Variants in PTPRR observed in about 807,000 individuals in gnomAD.
PTPRR encodes the protein receptor-type tyrosine-protein phosphatase R.
In PTPRR, 38 loss-of-function variants were observed where a neutral mutation model predicts 77.2. The ratio of observed to expected loss-of-function variants is 0.49; its 90% CI spans 0.38 to 0.65. PTPRR has a LOEUF of 0.65. Among genes scored for constraint, PTPRR ranks in the 30% least tolerant of loss-of-function variants. The probability of loss-of-function intolerance (pLI) is 0.00; values close to 1 mark genes in which losing one functional copy is unlikely to be tolerated. For missense variants in PTPRR, 744 were observed against 799.2 expected (o/e 0.93, Z 0.83); for synonymous variants, 299 against 283.1 (o/e 1.06, Z -0.57).
rs542070291 is a variant in PTPRR, at chr12:70,771,060, C to T, written c.358-6282G>A. Among the ~76,000 whole-genome samples, 17 of 150,748 alleles carry T rather than the reference C, an allele frequency of 1.1e-4. No homozygotes were observed. In the East Asian group the frequency reaches 2.3e-3, roughly 21 times the overall value. ...AGGAGATATACCTAATGCTAAATGA[C>T]GAGTCAACGGGTGCAGCACACCAGC... On this transcript the variant is annotated intron_variant, in intron 2 of 13. Coordinates refer to ENST00000283228, the MANE Select transcript of PTPRR (RefSeq NM_002849.4).
chr12:70,905,531 A>G, intron 1 of PTPRR, among the ~76,000 whole-genome samples: 1 of 151,978 alleles, frequency 6.6e-6, no homozygotes, highest in South Asian at 2.1e-4. Flanking sequence ...GAAAATAACC[A>G]GTGAGATTTG....
At chr12:70,674,129 C>T (rs113894696) in intron 10 of PTPRR, among the ~76,000 whole-genome samples, 1 of 152,030 alleles carries the variant, frequency 6.6e-6, no homozygotes, top group Non-Finnish European at 1.5e-5. Context: ...AGATATAAGT[C>T]TCATTACATT....
chr12:70,883,914 C>T (rs1893191215), intron 2 of PTPRR, among the ~76,000 whole-genome samples: 1 of 152,222 alleles, frequency 6.6e-6, no homozygotes, highest in Non-Finnish European at 1.5e-5. Context: ...ACTTCTGCCA[C>T]AGTAATAGCT....
intron 8 of PTPRR, among the ~76,000 whole-genome samples, chr12:70,688,195 C>A (rs943262490): frequency 1.3e-5 from 2 of 152,012 alleles, no homozygotes; most frequent in Non-Finnish European, 1.5e-5. Flanking sequence ...TTGGATATGA[C>A]CCTGAAAGCA....
chr12:70,799,226 A>G (rs865817861), intron 2 of PTPRR, among the ~76,000 whole-genome samples: 1 of 152,166 alleles, frequency 6.6e-6, no homozygotes, highest in East Asian at 1.9e-4. Context: ...GTCTATGTCT[A>G]TGTGTGTTGG....
intron 2 of PTPRR, among the ~76,000 whole-genome samples, chr12:70,832,293 T>C (rs1010113123): frequency 1.3e-5 from 2 of 152,114 alleles, no homozygotes; most frequent in African/African-American, 4.8e-5. Flanking sequence ...TCTGCCCAAT[T>C]TTTGCTGTAT....
chr12:70,656,892 C>A (rs1190747759), intron 12 of PTPRR, 75 bp from the exon 13 acceptor site: 3 of 1,023,624 alleles, frequency 2.9e-6, no homozygotes, highest in African/African-American at 1.7e-5. Context: ...TACAAGGGTA[C>A]TTTTAAATCT....
intron 2 of PTPRR, among the ~76,000 whole-genome samples, chr12:70,853,131 CATT>C (rs1477584410): frequency 6.6e-6 from 1 of 152,178 alleles, no homozygotes; most frequent in Non-Finnish European, 1.5e-5. Context: ...AAGAGATTAT[CATT>C]ATAATAATGA....
At chr12:70,791,707 T>C (rs995200779) in intron 2 of PTPRR, among the ~76,000 whole-genome samples, 2 of 152,214 alleles carry the variant, frequency 1.3e-5, no homozygotes, top group East Asian at 1.9e-4. Flanking sequence ...AATGCAAATA[T>C]ATGTATATGG....
At chr12:70,709,559 T>C (rs906575081) in intron 6 of PTPRR, among the ~76,000 whole-genome samples, 16 of 152,094 alleles carry the variant, frequency 1.1e-4, no homozygotes, top group African/African-American at 3.6e-4. Flanking sequence ...TGTTTGCAGA[T>C]GACATGATCC....
At chr12:70,885,488 A>G (rs980246257) in intron 2 of PTPRR, among the ~76,000 whole-genome samples, 4 of 152,094 alleles carry the variant, frequency 2.6e-5, no homozygotes, top group African/African-American at 9.7e-5. Flanking sequence ...CATAGAAAAG[A>G]ATATATAGAG....
intron 6 of PTPRR, among the ~76,000 whole-genome samples, chr12:70,708,226 AC>A (rs1888688901): frequency 6.6e-6 from 1 of 152,144 alleles, no homozygotes; most frequent in South Asian, 2.1e-4. Context: ...CCAGTCATGA[AC>A]AGATGGAGAG....
intron 1 of PTPRR, among the ~76,000 whole-genome samples, chr12:70,895,112 G>A (rs944984517): frequency 2.0e-5 from 3 of 151,644 alleles, no homozygotes; most frequent in African/African-American, 7.3e-5. Flanking sequence ...AAACAGAGTT[G>A]CTGAAGATGT....
intron 2 of PTPRR, among the ~76,000 whole-genome samples, chr12:70,820,568 C>T (rs929347050): frequency 6.6e-6 from 1 of 152,162 alleles, no homozygotes. Flanking sequence ...CTCCTGAGCT[C>T]GTGATCTGCA....
At chr12:70,878,283 C>T (rs1024055438) in intron 2 of PTPRR, among the ~76,000 whole-genome samples, 5 of 152,086 alleles carry the variant, frequency 3.3e-5, no homozygotes, top group Non-Finnish European at 7.4e-5. Context: ...TTCTGCACAG[C>T]AAAAGAAACT....
At chr12:70,649,190 AT>A (rs1886303844) in intron 13 of PTPRR, among the ~76,000 whole-genome samples, 1 of 152,184 alleles carries the variant, frequency 6.6e-6, no homozygotes, top group East Asian at 1.9e-4. Flanking sequence ...ATGACCAGGC[AT>A]TGTAATTTTT....
chr12:70,900,297 GACAA>G (rs1893508818), intron 1 of PTPRR, among the ~76,000 whole-genome samples: 1 of 151,382 alleles, frequency 6.6e-6, no homozygotes, highest in Non-Finnish European at 1.5e-5. Context: ...CAAAGAAATA[GACAA>G]ACAGATCAAT....
In PTPRR at chr12:70,912,901, A is replaced by G. The variant is rs555374734; in HGVS notation, c.58+7432T>C. On this transcript the variant is annotated intron_variant, in intron 1 of 13. Transcript: ENST00000283228. ...CTTTATGTTGGGAAACATCAATGCTACTCTAAGTGTGTCAGCATTTGTAAA... is the reference window on the plus strand; with the variant it reads ...CTTTATGTTGGGAAACATCAATGCTGCTCTAAGTGTGTCAGCATTTGTAAA... Among the ~76,000 whole-genome samples the G allele has an allele frequency of 2.0e-5, 3 of 152,194 alleles. 1 individual carries two copies. The South Asian group carries it at 6.2e-4, about 32-fold the overall frequency.
chr12:70,840,050 C>T (rs1892369716), intron 2 of PTPRR, among the ~76,000 whole-genome samples: 1 of 152,086 alleles, frequency 6.6e-6, no homozygotes, highest in South Asian at 2.1e-4. Context: ...CCTATCATTG[C>T]CATAATGAAT....
Sources: allele counts gnomAD v4.1 joint callset (sites outside exome capture counted in the v4.1 genomes callset), GRCh38; gene constraint gnomAD v4.1.1; transcripts MANE v1.5; gene names NCBI Gene and HGNC (gene_info 2026-07-23, HGNC 2026-07-21).